The following SCAPER variants were observed in gnomAD, a reference collection of about 807,000 sequenced individuals.
SCAPER encodes the protein S-phase cyclin A associated protein in the ER.
A neutral mutation model predicts 182.2 loss-of-function variants in SCAPER; 98 were observed. That is an observed-to-expected ratio of 0.54 (90% CI 0.46 to 0.64). The LOEUF is 0.64. Among genes scored for constraint, SCAPER ranks in the 30% least tolerant of loss-of-function variants. The pLI is 0.00. For synonymous variants in SCAPER, 605 were observed against 564.6 expected, an observed-to-expected ratio of 1.07 and a Z score of -1.01; for missense variants, 1,432 against 1,690.0, an observed-to-expected ratio of 0.85 and a Z score of 2.68.
chr15:76,550,229 A>C (rs2045643924), intron 23 of SCAPER, among the ~76,000 whole-genome samples: 1 of 152,184 alleles, frequency 6.6e-6, no homozygotes, highest in Non-Finnish European at 1.5e-5. Flanking sequence ...ATACATGTGC[A>C]GGACATGTAG....
chr15:76,661,194 T>C, intron 21 of SCAPER, among the ~76,000 whole-genome samples: 1 of 151,926 alleles, frequency 6.6e-6, no homozygotes, highest in Non-Finnish European at 1.5e-5. Flanking sequence ...CTAACTTAAA[T>C]GTAAAACCCA....
chr15:76,892,615 G>A lies in SCAPER; in HGVS notation c.-59-8739C>T, dbSNP rs969351528. 5.3e-5 allele frequency among the ~76,000 whole-genome samples: 8 copies of A among 152,120 alleles called. No individual in the cohort carries two copies. The South Asian group carries it at 1.2e-3, about 24-fold the overall frequency. ...TCAGAGAAACGCAAATCAAAACCACGATGAGATACCATCTCACACCAGTTA... is the reference window on the plus strand; with the variant it reads ...TCAGAGAAACGCAAATCAAAACCACAATGAGATACCATCTCACACCAGTTA... On this transcript the variant is annotated intron_variant, in intron 1 of 31. Coordinates refer to ENST00000563290, the MANE Select transcript of SCAPER (RefSeq NM_020843.4).
chr15:76,484,302 C>G (rs778731281), intron 24 of SCAPER, among the ~76,000 whole-genome samples: 6 of 151,980 alleles, frequency 3.9e-5, no homozygotes, highest in Non-Finnish European at 8.8e-5. Context: ...ACTATACAAA[C>G]AGTAAAAAGA....
At chr15:76,515,569 A>T (rs767668639) in intron 23 of SCAPER, among the ~76,000 whole-genome samples, 13 of 152,224 alleles carry the variant, frequency 8.5e-5, no homozygotes, top group Non-Finnish European at 1.5e-4. Flanking sequence ...TAATGGGTCC[A>T]GCAGCTCCCA....
Position 76,753,840 on chromosome 15 carries a change from T to G in SCAPER, c.1834A>C (p.Ile612Leu). 6.2e-7 allele frequency: 1 copy of G among 1,612,956 alleles called. No homozygotes were observed. The highest frequency in any genetic ancestry group is 8.5e-7 in the Non-Finnish European group (1 of 1,179,216). The change falls in exon 15 of 32, where the codon ATT becomes CTT. Residue 612 changes from isoleucine (I) to leucine (L), a missense_variant. Ile to Leu is a conservative substitution (Grantham distance 5). Coordinates refer to ENST00000563290, the MANE Select transcript of SCAPER (RefSeq NM_020843.4). ...EFKREVQLQA[I>L]VKKAQEEEAK... ...TCTTCTTCTTGTGCTTTTTTCACAATTGCTTGTAACTGCACTTCTCGCTTA... is the reference window on the plus strand; with the variant it reads ...TCTTCTTCTTGTGCTTTTTTCACAAGTGCTTGTAACTGCACTTCTCGCTTA...
At chr15:76,531,925 C>A (rs1009681859) in intron 23 of SCAPER, among the ~76,000 whole-genome samples, 1 of 152,192 alleles carries the variant, frequency 6.6e-6, no homozygotes, top group African/African-American at 2.4e-5. Flanking sequence ...CAAAATCCTG[C>A]TCTAGCAACA....
chr15:76,888,288 G>C (rs1253196796), intron 1 of SCAPER, among the ~76,000 whole-genome samples: 1 of 152,220 alleles, frequency 6.6e-6, no homozygotes, highest in Non-Finnish European at 1.5e-5. Flanking sequence ...AAGGATCGCA[G>C]CTCCTCACCA....
At chr15:76,429,215 A>T (rs918937388) in intron 26 of SCAPER, among the ~76,000 whole-genome samples, 6 of 152,078 alleles carry the variant, frequency 3.9e-5, no homozygotes, top group African/African-American at 1.4e-4. Flanking sequence ...TAAGTCCATT[A>T]AACCTCTTTT....
intron 5 of SCAPER, among the ~76,000 whole-genome samples, chr15:76,834,506 G>A (rs1348800455): frequency 2.0e-5 from 3 of 151,950 alleles, no homozygotes; most frequent in Non-Finnish European, 2.9e-5. Flanking sequence ...ACCAAACTCC[G>A]AGCTGAACTG....
chr15:76,805,379 C>T (rs958234609), intron 5 of SCAPER, among the ~76,000 whole-genome samples: 3 of 152,106 alleles, frequency 2.0e-5, no homozygotes, highest in African/African-American at 7.2e-5. Context: ...ACATTCCCAG[C>T]AGCAATTTAT....
chr15:76,354,949 G>C lies in SCAPER; in HGVS notation c.3856-809C>G, dbSNP rs2040853298. Among the ~76,000 whole-genome samples the C allele has an allele frequency of 6.6e-6, 1 of 152,198 alleles. No homozygotes were observed. Among genetic ancestry groups the C allele is most frequent in the Non-Finnish European group, 1.5e-5 (1 of 68,040 alleles). On this transcript the variant is annotated intron_variant, in intron 29 of 31. Transcript: ENST00000563290. The surrounding 1 kb of genome is among the most constrained non-coding windows in gnomAD (Gnocchi z 4.4). Reference sequence around the variant, plus strand: ...GATTAGACAGTTCTAATATGAAAGAGCTGGGTGACCCAAAGCCCACTTCGT... The same window carrying C: ...GATTAGACAGTTCTAATATGAAAGACCTGGGTGACCCAAAGCCCACTTCGT...
At chr15:76,809,177 A>T (rs2151562772) in intron 5 of SCAPER, among the ~76,000 whole-genome samples, 2 of 152,332 alleles carry the variant, frequency 1.3e-5, no homozygotes, top group Middle Eastern at 6.8e-3. Context: ...AGACTAGGAA[A>T]GGCAGTTGCC....
At chr15:76,738,679 A>C (rs775860059) in intron 15 of SCAPER, among the ~76,000 whole-genome samples, 1 of 152,206 alleles carries the variant, frequency 6.6e-6, no homozygotes, top group Non-Finnish European at 1.5e-5. Context: ...TCAGTGGAGC[A>C]GTCAGAACAC....
chr15:76,532,570 T>C (rs1250050845), intron 23 of SCAPER, among the ~76,000 whole-genome samples: 1 of 152,194 alleles, frequency 6.6e-6, no homozygotes, highest in Non-Finnish European at 1.5e-5. Context: ...TTTTCACTCA[T>C]CAATTTTTCT....
At chr15:76,528,713 C>T (rs921205061) in intron 23 of SCAPER, among the ~76,000 whole-genome samples, 2 of 152,220 alleles carry the variant, frequency 1.3e-5, no homozygotes, top group African/African-American at 2.4e-5. Context: ...AATCTACTCA[C>T]CACATTGCAG....
chr15:76,479,833 C>T (rs1169859811), intron 24 of SCAPER, among the ~76,000 whole-genome samples: 1 of 152,132 alleles, frequency 6.6e-6, no homozygotes, highest in Non-Finnish European at 1.5e-5. Flanking sequence ...AAGAGAGCAA[C>T]CATTTTTAAA....
chr15:76,609,467 A>G (rs2050783441), intron 22 of SCAPER, among the ~76,000 whole-genome samples: 1 of 152,182 alleles, frequency 6.6e-6, no homozygotes, highest in Admixed American at 6.5e-5. Context: ...AGCCTGGGCA[A>G]CAGAATGAGA....
intron 23 of SCAPER, among the ~76,000 whole-genome samples, chr15:76,538,725 A>T (rs956312163): frequency 0.042 from 25 of 598 alleles, no homozygotes; most frequent in East Asian, 0.25. Flanking sequence ...ATAATAATTA[A>T]AAAAAAAAGA....
At chr15:76,367,460 T>C (rs973229245) in intron 29 of SCAPER, among the ~76,000 whole-genome samples, 2 of 152,206 alleles carry the variant, frequency 1.3e-5, no homozygotes, top group South Asian at 4.1e-4. Context: ...AAAAGATTCC[T>C]TCTGGCCTCA....
Sources: allele counts gnomAD v4.1 joint callset (sites outside exome capture counted in the v4.1 genomes callset), GRCh38; gene constraint gnomAD v4.1.1; non-coding constraint Gnocchi (gnomAD v3.1); transcripts MANE v1.5; gene names NCBI Gene and HGNC (gene_info 2026-07-23, HGNC 2026-07-21).